GRM3: variants seen among roughly 807,000 people sequenced by gnomAD.
GRM3 encodes the protein metabotropic glutamate receptor 3.
GRM3 carries 26 observed loss-of-function variants against 70.5 expected under a neutral mutation model. That is an observed-to-expected ratio of 0.37 (90% confidence interval 0.27 to 0.51). The LOEUF (loss-of-function observed/expected upper bound fraction) is 0.51, where lower values mean the gene tolerates loss of function less well. Ranked by LOEUF, GRM3 falls within the 20% of genes least tolerant of loss-of-function variation. GRM3 has a pLI of 0.93. For missense variants in GRM3, 859 were observed against 1,123.8 expected, an observed-to-expected ratio of 0.76 and a Z score of 3.37; for synonymous variants, 443 against 434.9, an observed-to-expected ratio of 1.02 and a Z score of -0.23.
intron 1 of GRM3, among the ~76,000 whole-genome samples, chr7:86,693,730 AGAGCC>A (rs113810126): frequency 0.033 from 5,056 of 152,220 alleles, 270 homozygotes; most frequent in African/African-American, 0.12. Context: ...AAAGAGAGCT[AGAGCC>A]GAGCCGCTGT....
intron 3 of GRM3, among the ~76,000 whole-genome samples, chr7:86,830,473 A>G (rs1457448897): frequency 2.0e-5 from 3 of 152,208 alleles, no homozygotes; most frequent in Admixed American, 6.5e-5. Context: ...TAAAGATAGA[A>G]CATTGTTTAT....
At chr7:86,736,400 C>T (rs899483235) in intron 1 of GRM3, among the ~76,000 whole-genome samples, 2 of 152,196 alleles carry the variant, frequency 1.3e-5, no homozygotes, top group Non-Finnish European at 2.9e-5. Flanking sequence ...TGAAACATTT[C>T]TCTATTGGTT....
chr7:86,690,069 TA>T (rs140700900), intron 1 of GRM3, among the ~76,000 whole-genome samples: 44,324 of 151,706 alleles, frequency 0.29, 8,364 homozygotes, highest in East Asian at 0.72. Context: ...AATAGAAGGA[TA>T]AAAAAGTTTC....
chr7:86,658,802 TTAAAGA>T (rs1362112991), intron 1 of GRM3, among the ~76,000 whole-genome samples: 1 of 151,638 alleles, frequency 6.6e-6, no homozygotes, highest in Non-Finnish European at 1.5e-5. Context: ...ATAAGTAAAC[TTAAAGA>T]TAAAATTCAG....
intron 2 of GRM3, among the ~76,000 whole-genome samples, chr7:86,774,807 A>T (rs1584232473): frequency 1.3e-5 from 2 of 152,110 alleles, no homozygotes; most frequent in East Asian, 3.9e-4. Flanking sequence ...AAGCTTTTCC[A>T]ATAAGGAAAA....
intron 3 of GRM3, among the ~76,000 whole-genome samples, chr7:86,801,713 G>A (rs1797687604): frequency 6.6e-6 from 1 of 152,156 alleles, no homozygotes; most frequent in South Asian, 2.1e-4. Context: ...CCTCTTAAGA[G>A]AGCTATAAGT....
At chr7:86,766,612 C>A (rs1796606384) in intron 2 of GRM3, among the ~76,000 whole-genome samples, 1 of 152,096 alleles carries the variant, frequency 6.6e-6, no homozygotes, top group South Asian at 2.1e-4. Flanking sequence ...GTAGAAAGTA[C>A]AAGAACTAGA....
In GRM3 at chr7:86,655,156, C is replaced by A. The variant is rs1157009708; in HGVS notation, c.-141+10284C>A. ...ACATGAATATCTAGTCTACCCAGAC[C>A]TTTCTGTTTGCACCAAATACACACC... On this transcript the variant is annotated intron_variant, in intron 1 of 5. Coordinates refer to ENST00000361669, the MANE Select transcript of GRM3 (RefSeq NM_000840.3). Among the ~76,000 whole-genome samples the A allele has an allele frequency of 2.0e-5, 3 of 152,172 alleles. No homozygotes were observed. In the East Asian group the frequency reaches 5.8e-4, roughly 29 times the overall value.
intron 2 of GRM3, among the ~76,000 whole-genome samples, chr7:86,765,966 C>T (rs538896313): frequency 1.3e-5 from 2 of 152,082 alleles, no homozygotes; most frequent in Non-Finnish European, 2.9e-5. Context: ...TGTCTCTTAT[C>T]CTCCTCCTGG....
chr7:86,816,869 G>C (rs576775773), intron 3 of GRM3, among the ~76,000 whole-genome samples: 7 of 152,014 alleles, frequency 4.6e-5, no homozygotes, highest in South Asian at 2.1e-4. Flanking sequence ...TTCTGAATTA[G>C]AGATAAGTGT....
intron 1 of GRM3, among the ~76,000 whole-genome samples, chr7:86,670,702 C>A (rs1794149217): frequency 6.6e-6 from 1 of 152,174 alleles, no homozygotes; most frequent in African/African-American, 2.4e-5. Flanking sequence ...TCTTCCTAGG[C>A]TTCCACTCTA....
At chr7:86,787,841 G>A (rs867134327) in intron 3 of GRM3, among the ~76,000 whole-genome samples, 34 of 152,168 alleles carry the variant, frequency 2.2e-4, no homozygotes, top group Middle Eastern at 3.4e-3. Context: ...AGTGATTTTT[G>A]CTGCCTCTTT....
Position 86,748,195 on chromosome 7 carries a change from C to T in GRM3, c.-140-16811C>T, listed in dbSNP as rs528050982. Reference sequence around the variant, plus strand: ...CAGAGCATACACTTTATGTTTCCTACAGCTGACCATCAATCCCTGTTATTA... The same window carrying T: ...CAGAGCATACACTTTATGTTTCCTATAGCTGACCATCAATCCCTGTTATTA... On this transcript the variant is annotated intron_variant, in intron 1 of 5. Transcript: ENST00000361669. Among the ~76,000 whole-genome samples the T allele has an allele frequency of 9.9e-5, 15 of 152,148 alleles. No homozygotes were observed. In the East Asian group the frequency reaches 2.3e-3, roughly 24 times the overall value.
At chr7:86,810,035 G>A (rs555937747) in intron 3 of GRM3, among the ~76,000 whole-genome samples, 3 of 152,122 alleles carry the variant, frequency 2.0e-5, no homozygotes, top group South Asian at 2.1e-4. Context: ...AAAATCGGAT[G>A]AATATTTGCA....
At chr7:86,858,009 T>G (rs989805816) in intron 5 of GRM3, among the ~76,000 whole-genome samples, 3 of 152,018 alleles carry the variant, frequency 2.0e-5, no homozygotes, top group African/African-American at 7.3e-5. Context: ...CAGGCTGGAG[T>G]GCAGTGGCAC....
intron 1 of GRM3, among the ~76,000 whole-genome samples, chr7:86,678,430 G>A (rs754778584): frequency 1.3e-5 from 2 of 151,964 alleles, no homozygotes; most frequent in South Asian, 2.1e-4. Context: ...AAAAAGTTAC[G>A]TTAACGCCGC....
intron 4 of GRM3, among the ~76,000 whole-genome samples, chr7:86,841,073 G>T (rs1798550033): frequency 6.6e-6 from 1 of 152,084 alleles, no homozygotes; most frequent in African/African-American, 2.4e-5. Flanking sequence ...ATGTTAATTA[G>T]CTCTATTTAC....
At chr7:86,734,212 T>C (rs550549941) in intron 1 of GRM3, among the ~76,000 whole-genome samples, 1 of 152,246 alleles carries the variant, frequency 6.6e-6, no homozygotes, top group African/African-American at 2.4e-5. Context: ...CTGTCCAAGA[T>C]TGAAAAAAGA....
At chr7:86,716,407 T>C (rs1406056545) in intron 1 of GRM3, among the ~76,000 whole-genome samples, 1 of 152,018 alleles carries the variant, frequency 6.6e-6, no homozygotes, top group African/African-American at 2.4e-5. Context: ...TTTGGATTTA[T>C]CGTCAGAAAA....
Sources: gnomAD v4.1 joint callset for allele counts (sites outside exome capture counted in the v4.1 genomes callset) on GRCh38, gnomAD v4.1.1 for gene constraint, MANE v1.5 for transcripts, NCBI Gene and HGNC (gene_info 2026-07-23, HGNC 2026-07-21) for gene names.